Variants in RPS6KC1 observed in about 807,000 individuals in gnomAD.
The protein encoded by RPS6KC1 is ribosomal protein S6 kinase C1, also known as inactive ribosomal protein S6 kinase delta-1.
Under a neutral mutation model 103.8 loss-of-function variants are expected in RPS6KC1, and 54 were observed. The ratio of observed to expected loss-of-function variants is 0.52; its 90% CI spans 0.42 to 0.65. The LOEUF is 0.65. Ranked by LOEUF, RPS6KC1 falls within the 30% of genes least tolerant of loss-of-function variation. The pLI is 0.00. For synonymous variants in RPS6KC1, 439 were observed against 438.7 expected (o/e 1.00, Z -0.01); for missense variants, 1,151 against 1,253.8 (o/e 0.92, Z 1.24).
chr1:213,516,406 C>T, the RPS6KC1 span, among the ~76,000 whole-genome samples: 398 of 152,248 alleles, frequency 2.6e-3, 3 homozygotes, highest in African/African-American at 9.4e-3. Flanking sequence ...TACGTCCCAT[C>T]AATACCTAAT....
At chr1:213,245,028 A>G (rs1359601820) in intron 12 of RPS6KC1, among the ~76,000 whole-genome samples, 1 of 152,204 alleles carries the variant, frequency 6.6e-6, no homozygotes, top group Non-Finnish European at 1.5e-5. Flanking sequence ...AATGGCCTTA[A>G]CAGAAAAGTA....
At chr1:213,545,409 AAT>A in the RPS6KC1 span, among the ~76,000 whole-genome samples, 1 of 74,176 alleles carries the variant, frequency 1.3e-5, no homozygotes, top group Non-Finnish European at 3.2e-5. Context: ...TAAATAAATA[AAT>A]AAATAAAATA....
At chr1:213,387,777 A>T in the RPS6KC1 span, among the ~76,000 whole-genome samples, 6 of 152,286 alleles carry the variant, frequency 3.9e-5, no homozygotes, top group East Asian at 1.2e-3. Context: ...CAATTATCTG[A>T]CTCAACTTCT....
At chr1:213,741,572 T>C in the RPS6KC1 span, among the ~76,000 whole-genome samples, 1 of 152,140 alleles carries the variant, frequency 6.6e-6, no homozygotes, top group Non-Finnish European at 1.5e-5. Context: ...AACCTCCATG[T>C]TCTGCTGTCG....
the RPS6KC1 span, among the ~76,000 whole-genome samples, chr1:213,514,697 C>T: frequency 6.6e-6 from 1 of 152,154 alleles, no homozygotes. Context: ...CATACGTGTG[C>T]ATATGTCTTT....
the RPS6KC1 span, among the ~76,000 whole-genome samples, chr1:213,716,564 A>G: frequency 6.6e-6 from 1 of 152,210 alleles, no homozygotes; most frequent in Non-Finnish European, 1.5e-5. Context: ...CAGGGGGAAA[A>G]AATCTTGCTT....
the RPS6KC1 span, among the ~76,000 whole-genome samples, chr1:213,364,852 G>A: frequency 1.6e-4 from 24 of 152,018 alleles, no homozygotes; most frequent in East Asian, 2.1e-3. Flanking sequence ...CAGATACTCG[G>A]GAGGCTGAGG....
At chr1:213,375,060 CAT>C in the RPS6KC1 span, among the ~76,000 whole-genome samples, 1 of 151,818 alleles carries the variant, frequency 6.6e-6, no homozygotes, top group Non-Finnish European at 1.5e-5. Context: ...CACGTACACA[CAT>C]ACACACACAT....
intron 1 of RPS6KC1, among the ~76,000 whole-genome samples, chr1:213,062,125 C>T (rs555591337): frequency 6.3e-4 from 96 of 152,168 alleles, no homozygotes; most frequent in African/African-American, 1.9e-3. Context: ...TACAGGTTAG[C>T]ATCCCTATTC....
chr1:213,493,594 T>C, the RPS6KC1 span, among the ~76,000 whole-genome samples: 5 of 152,042 alleles, frequency 3.3e-5, no homozygotes, highest in African/African-American at 1.2e-4. Flanking sequence ...TCCCTTCCCC[T>C]TGCCTCTGGA....
chr1:213,622,314 A>C, the RPS6KC1 span, among the ~76,000 whole-genome samples: 3 of 149,686 alleles, frequency 2.0e-5, no homozygotes, highest in South Asian at 6.3e-4. Context: ...TTATTTTGCC[A>C]GTCGTGGAGG....
the RPS6KC1 span, among the ~76,000 whole-genome samples, chr1:213,581,810 A>G: frequency 6.6e-6 from 1 of 152,076 alleles, no homozygotes; most frequent in Non-Finnish European, 1.5e-5. Flanking sequence ...CGCTGGTATT[A>G]TGCTTTTTCA....
the RPS6KC1 span, among the ~76,000 whole-genome samples, chr1:213,692,855 A>G: frequency 1.3e-5 from 2 of 152,018 alleles, no homozygotes; most frequent in African/African-American, 2.4e-5. Context: ...ACCAATTATT[A>G]TTTTAGAGAG....
the RPS6KC1 span, among the ~76,000 whole-genome samples, chr1:213,341,304 C>G: frequency 1.3e-5 from 2 of 152,136 alleles, no homozygotes; most frequent in Non-Finnish European, 2.9e-5. Flanking sequence ...ACTGATGACT[C>G]CAAGGATTGG....
At chr1:213,465,602 C>A in the RPS6KC1 span, among the ~76,000 whole-genome samples, 3 of 152,166 alleles carry the variant, frequency 2.0e-5, no homozygotes, top group Non-Finnish European at 2.9e-5. Context: ...AAAACTCGTT[C>A]ATTGAGTCTC....
chr1:213,754,455 G>C, the RPS6KC1 span, among the ~76,000 whole-genome samples: 3 of 152,172 alleles, frequency 2.0e-5, no homozygotes, highest in Admixed American at 6.5e-5. Context: ...GGCCTGGGGG[G>C]AGGTGACTGA....
At chr1:213,064,948 T>G in intron 1 of RPS6KC1, among the ~76,000 whole-genome samples, 1 of 148,460 alleles carries the variant, frequency 6.7e-6, no homozygotes, top group East Asian at 2.0e-4. Flanking sequence ...GTGCTGGGAT[T>G]ACAGGCGTGA....
chr1:213,657,322 A>C, the RPS6KC1 span, among the ~76,000 whole-genome samples: 2 of 152,176 alleles, frequency 1.3e-5, no homozygotes, highest in Admixed American at 1.3e-4. Context: ...GGTTAAGATA[A>C]ATAATGGGGA....
chr1:213,340,439 G>A, the RPS6KC1 span, among the ~76,000 whole-genome samples: 1 of 152,196 alleles, frequency 6.6e-6, no homozygotes, highest in Non-Finnish European at 1.5e-5. Context: ...CACAAAAGAA[G>A]TGGTGTAACT....
Sources: allele counts gnomAD v4.1 joint callset (sites outside exome capture counted in the v4.1 genomes callset), GRCh38; gene constraint gnomAD v4.1.1; transcripts MANE v1.5; gene names NCBI Gene and HGNC (gene_info 2026-07-23, HGNC 2026-07-21).